The following PPARGC1B variants were observed in gnomAD, a reference collection of about 807,000 sequenced individuals.
The protein encoded by PPARGC1B is PPARG coactivator 1 beta.
Under a neutral mutation model 101.6 loss-of-function variants are expected in PPARGC1B, and 34 were observed. The observed-to-expected ratio is 0.33, with a 90% CI of 0.25 to 0.45. PPARGC1B has a LOEUF of 0.45. Among genes scored for constraint, PPARGC1B ranks in the 20% least tolerant of loss-of-function variants. PPARGC1B has a pLI of 1.00. For synonymous variants in PPARGC1B, 548 were observed against 539.3 expected (o/e 1.02, Z -0.22); for missense variants, 1,234 against 1,317.6 (o/e 0.94, Z 0.98).
chr5:149,797,599 TATA>T (rs1757273362), intron 1 of PPARGC1B, among the ~76,000 whole-genome samples: 1 of 152,258 alleles, frequency 6.6e-6, no homozygotes, highest in South Asian at 2.1e-4. Context: ...TGGTTTTCTT[TATA>T]ATTCTACATT....
intron 1 of PPARGC1B, among the ~76,000 whole-genome samples, chr5:149,790,423 C>T (rs770064893): frequency 1.3e-5 from 2 of 152,086 alleles, no homozygotes; most frequent in Non-Finnish European, 2.9e-5. Context: ...GCACACCCTC[C>T]CTGTGCAGAC....
intron 1 of PPARGC1B, among the ~76,000 whole-genome samples, chr5:149,793,182 C>T (rs373710678): frequency 6.6e-6 from 1 of 152,064 alleles, no homozygotes; most frequent in African/African-American, 2.4e-5. Context: ...TCTGTGGGGG[C>T]AGCTGCTGTT....
intron 1 of PPARGC1B, among the ~76,000 whole-genome samples, chr5:149,777,389 A>C (rs1200394602): frequency 1.3e-5 from 2 of 151,788 alleles, no homozygotes; most frequent in African/African-American, 4.8e-5. Flanking sequence ...CCCACCACCC[A>C]AACTCTCCTA....
intron 1 of PPARGC1B, among the ~76,000 whole-genome samples, chr5:149,807,053 G>A (rs897201354): frequency 6.6e-6 from 1 of 151,372 alleles, no homozygotes; most frequent in African/African-American, 2.4e-5. Context: ...TCAACTTCCT[G>A]GGATCAGGTG....
chr5:149,783,286 T>C (rs892738286), intron 1 of PPARGC1B, among the ~76,000 whole-genome samples: 3 of 152,154 alleles, frequency 2.0e-5, no homozygotes, highest in Admixed American at 2.0e-4. Context: ...GCTGCACAGT[T>C]TTTCATAAAG....
intron 3 of PPARGC1B, among the ~76,000 whole-genome samples, chr5:149,827,993 G>C (rs1010811843): frequency 2.0e-5 from 3 of 152,264 alleles, no homozygotes; most frequent in East Asian, 1.9e-4. Context: ...AGGGTTCTTA[G>C]GTTATGGAGA....
intron 1 of PPARGC1B, among the ~76,000 whole-genome samples, chr5:149,752,037 A>G (rs1252420855): frequency 6.6e-6 from 1 of 152,236 alleles, no homozygotes; most frequent in Non-Finnish European, 1.5e-5. Context: ...ATGTAAGGCT[A>G]TGTTGCTACT....
At position 149,742,575 on chromosome 5, in the gene PPARGC1B, A is replaced by G. The variant is rs574383098; in HGVS notation, c.78+12155A>G. The stretch of plus-strand genomic sequence containing the variant: ...GGAGTTGGCAAAGAGTTTTATTATT[A>G]TTATTCATAACAGTAATAATATAAA... On this transcript the variant is annotated intron_variant, in intron 1 of 11. Transcript: ENST00000309241. Among the ~76,000 whole-genome samples the G allele has an allele frequency of 5.9e-5, 9 of 152,292 alleles. No individual in the cohort carries two copies. The South Asian group carries it at 1.9e-3, about 32-fold the overall frequency.
In PPARGC1B at chr5:149,833,553, G is replaced by T; in HGVS notation, c.1480G>T (p.Asp494Tyr). 1 of 1,585,228 alleles carries T rather than the reference G, an allele frequency of 6.3e-7. No individual in the cohort carries two copies. Among genetic ancestry groups the T allele is most frequent in the Non-Finnish European group, 8.6e-7 (1 of 1,165,886 alleles). Reference protein sequence around the residue: ...PELGPWLTFADEPLVPSEPQG... With the variant: ...PELGPWLTFAYEPLVPSEPQG... ...GCTGGGCCCCTGGCTGACATTTGCA[G>T]ATGAGCCGCTGGTCCCCTCGGAGCC... The change falls in exon 5 of 12, where the codon GAT (aspartate) becomes TAT (tyrosine). Residue 494 changes from aspartate to tyrosine, a missense_variant. Asp to Tyr is a radical substitution (Grantham distance 160). Around this residue, in one of 3 missense-constraint regions of PPARGC1B, gnomAD observed 734 missense variants for 768.4 expected, o/e 0.96. Transcript: ENST00000309241. The surrounding 1 kb of genome is among the most constrained non-coding windows in gnomAD (Gnocchi z 4.1).
chr5:149,738,916 ACTT>A (rs1380594319), intron 1 of PPARGC1B, among the ~76,000 whole-genome samples: 10 of 152,202 alleles, frequency 6.6e-5, no homozygotes, highest in South Asian at 2.1e-4. Flanking sequence ...TTTGAAGCTA[ACTT>A]CTTCTGCTTC....
intron 5 of PPARGC1B, among the ~76,000 whole-genome samples, chr5:149,834,223 G>A (rs1758949713): frequency 6.6e-6 from 1 of 152,228 alleles, no homozygotes; most frequent in Non-Finnish European, 1.5e-5. Context: ...TACCGTGCTG[G>A]CACTGGTCTC....
At position 149,842,315 on chromosome 5, in the gene PPARGC1B, G is replaced by T; in HGVS notation, c.2754G>T (p.Leu918=). The change falls in exon 10 of 12, where the codon CTG becomes CTT. Residue 918 remains leucine (L), a synonymous_variant. Transcript: ENST00000309241. ...NLSSDMSSRE[L]KRRFEVFGEI... ...CCAGCGACATGAGCTCCCGAGAGCT[G>T]AAGAGGCGCTTTGAAGTGTTTGGTG... 1.2e-6 allele frequency: 2 copies of T among 1,614,240 alleles called. No homozygotes were observed. The highest frequency in any genetic ancestry group is 2.2e-5 in the East Asian group (1 of 44,886).
chr5:149,846,642 A>AG (rs1759570282), intron 11 of PPARGC1B: 2 of 61,738 alleles, frequency 3.2e-5, no homozygotes, highest in Admixed American at 1.7e-4. Flanking sequence ...TCAAAAGGAA[A>AG]GAAAAAAAAA....
intron 1 of PPARGC1B, among the ~76,000 whole-genome samples, chr5:149,759,731 A>G (rs867888602): frequency 6.6e-6 from 1 of 152,242 alleles, no homozygotes; most frequent in Non-Finnish European, 1.5e-5. Context: ...TTCACCAGGC[A>G]TGCTGCCAGC....
rs1468741519 is a variant in PPARGC1B, at chr5:149,826,829, A to G, written c.409A>G (p.Ser137Gly). Residue 137 changes from serine to glycine, a missense_variant, in exon 3 of 12, where the codon AGC becomes GGC. By Grantham distance (56) the Ser-to-Gly change is moderately conservative. This residue lies in a region of PPARGC1B where 734 missense variants were observed against 768.4 expected (regional missense o/e 0.96). Coordinates refer to ENST00000309241, the MANE Select transcript of PPARGC1B (RefSeq NM_133263.4). ...GCCTGCCCCCTCATCTGCACCCCCCAGCCCTGCCCCGGAGAAGCCCTCGGC... is the reference window on the plus strand; with the variant it reads ...GCCTGCCCCCTCATCTGCACCCCCCGGCCCTGCCCCGGAGAAGCCCTCGGC... Reference protein sequence around the residue: ...ASPAPSSAPPSPAPEKPSAPA... With the variant: ...ASPAPSSAPPGPAPEKPSAPA... 3 of 1,613,648 alleles carry G rather than the reference A, an allele frequency of 1.9e-6. No homozygotes were observed. Among genetic ancestry groups the G allele is most frequent in the African/African-American group, 2.7e-5 (2 of 74,888 alleles).
chr5:149,785,934 T>TG (rs1422680319), intron 1 of PPARGC1B, among the ~76,000 whole-genome samples: 56 of 149,010 alleles, frequency 3.8e-4, no homozygotes, highest in East Asian at 1.2e-3. Context: ...TTTTTTTTCT[T>TG]TTTTTGAGAC....
intron 1 of PPARGC1B, among the ~76,000 whole-genome samples, chr5:149,802,147 C>G (rs1436067164): frequency 6.6e-6 from 1 of 152,204 alleles, no homozygotes; most frequent in Non-Finnish European, 1.5e-5. Flanking sequence ...AAGGCCCCAG[C>G]TTCTGTCTGG....
At chr5:149,793,850 C>A (rs1264102820) in intron 1 of PPARGC1B, among the ~76,000 whole-genome samples, 1 of 152,204 alleles carries the variant, frequency 6.6e-6, no homozygotes, top group Non-Finnish European at 1.5e-5. Flanking sequence ...CTCTGAAGAT[C>A]CCAGTTCTCT....
intron 1 of PPARGC1B, among the ~76,000 whole-genome samples, chr5:149,783,243 T>C (rs929578711): frequency 3.3e-5 from 5 of 152,180 alleles, no homozygotes; most frequent in African/African-American, 1.2e-4. Flanking sequence ...AGAACTCCAT[T>C]TGCCATTTTG....
Sources: gnomAD v4.1 joint callset for allele counts (sites outside exome capture counted in the v4.1 genomes callset) on GRCh38, gnomAD v4.1.1 for gene constraint, gnomAD v4.1.1 regional missense constraint, Gnocchi (gnomAD v3.1) non-coding constraint, MANE v1.5 for transcripts, NCBI Gene and HGNC (gene_info 2026-07-23, HGNC 2026-07-21) for gene names.